MAGI1: variants seen among roughly 807,000 people sequenced by gnomAD.
MAGI1 encodes the protein membrane-associated guanylate kinase, WW and PDZ domain-containing protein 1.
MAGI1 carries 58 observed loss-of-function variants against 139.9 expected under a neutral mutation model. The observed-to-expected ratio is 0.41, with a 90% CI of 0.34 to 0.52. MAGI1 has a LOEUF of 0.52. Among genes scored for constraint, MAGI1 ranks in the 20% least tolerant of loss-of-function variants. The pLI is 0.12. For synonymous variants in MAGI1, 812 were observed against 737.9 expected, an observed-to-expected ratio of 1.10 and a Z score of -1.63; for missense variants, 1,874 against 1,901.6, an observed-to-expected ratio of 0.99 and a Z score of 0.27.
intron 5 of MAGI1, among the ~76,000 whole-genome samples, chr3:65,457,894 C>T (rs1440617947): frequency 6.6e-6 from 1 of 152,006 alleles, no homozygotes; most frequent in Non-Finnish European, 1.5e-5. Context: ...AAATCTTATT[C>T]ATTCTTTCTA....
chr3:65,963,676 T>C (rs960166731), intron 1 of MAGI1, among the ~76,000 whole-genome samples: 3 of 152,142 alleles, frequency 2.0e-5, no homozygotes, highest in African/African-American at 7.2e-5. Context: ...TTTGTAACTT[T>C]TCTATAATAA....
intron 1 of MAGI1, among the ~76,000 whole-genome samples, chr3:66,006,874 A>C (rs984489443): frequency 6.6e-6 from 1 of 151,932 alleles, no homozygotes; most frequent in African/African-American, 2.4e-5. Context: ...TCTCTCACCC[A>C]GTCTGGAATG....
intron 2 of MAGI1, chr3:65,498,958 C>A (rs1054225030): frequency 1.0e-6 from 1 of 970,738 alleles, no homozygotes; most frequent in Non-Finnish European, 1.2e-6. Context: ...ACACTACATC[C>A]AGTACCATGT....
At chr3:65,920,006 T>G (rs879159375) in intron 1 of MAGI1, among the ~76,000 whole-genome samples, 1 of 152,186 alleles carries the variant, frequency 6.6e-6, no homozygotes, top group Admixed American at 6.5e-5. Flanking sequence ...AGGTCCGATG[T>G]TTAAATTCAC....
At chr3:65,992,921 G>C (rs2066254784) in intron 1 of MAGI1, among the ~76,000 whole-genome samples, 2 of 152,040 alleles carry the variant, frequency 1.3e-5, no homozygotes. Flanking sequence ...AATCTCCTGG[G>C]TCAAAAGATC....
chr3:65,713,023 C>T (rs1430273330), intron 1 of MAGI1, among the ~76,000 whole-genome samples: 4 of 152,160 alleles, frequency 2.6e-5, no homozygotes, highest in Admixed American at 2.0e-4. Context: ...AGGAATCTTA[C>T]TGTTCAGTTT....
intron 2 of MAGI1, among the ~76,000 whole-genome samples, chr3:65,551,448 G>A (rs887660917): frequency 2.6e-5 from 4 of 152,012 alleles, no homozygotes; most frequent in Non-Finnish European, 5.9e-5. Flanking sequence ...TTACAGGCAC[G>A]CACCACCGCG....
chr3:65,706,407 C>G (rs2030296831), intron 1 of MAGI1, among the ~76,000 whole-genome samples: 1 of 152,230 alleles, frequency 6.6e-6, no homozygotes, highest in Non-Finnish European at 1.5e-5. Context: ...TAGCCTCTGC[C>G]TTCCCTGAAA....
chr3:65,466,759 T>A (rs1950199579), intron 5 of MAGI1, among the ~76,000 whole-genome samples: 1 of 152,134 alleles, frequency 6.6e-6, no homozygotes, highest in African/African-American at 2.4e-5. Flanking sequence ...TATGTGGAAA[T>A]AAGGGGAATT....
chr3:65,970,259 G>A (rs1053581927), intron 1 of MAGI1, among the ~76,000 whole-genome samples: 15 of 152,142 alleles, frequency 9.9e-5, no homozygotes, highest in African/African-American at 2.4e-5. Context: ...AATACTCTAT[G>A]AGTCCACTTA....
intron 2 of MAGI1, among the ~76,000 whole-genome samples, chr3:65,559,183 T>C (rs980596546): frequency 1.3e-5 from 2 of 152,240 alleles, no homozygotes; most frequent in African/African-American, 4.8e-5. Context: ...TTTCAGAAGC[T>C]GAGCATCTAA....
At chr3:65,405,472 T>C (rs915738040) in intron 12 of MAGI1, among the ~76,000 whole-genome samples, 8 of 152,228 alleles carry the variant, frequency 5.3e-5, no homozygotes, top group African/African-American at 1.7e-4. Context: ...GTATTTTCTT[T>C]GGCTCATGGG....
chr3:65,380,049 G>A (rs1235470929), intron 16 of MAGI1, among the ~76,000 whole-genome samples: 9 of 152,178 alleles, frequency 5.9e-5, no homozygotes, highest in Non-Finnish European at 1.2e-4. Context: ...TGATGGTAAC[G>A]TTGAGGCTAC....
At chr3:65,646,841 C>T (rs1245183193) in intron 1 of MAGI1, among the ~76,000 whole-genome samples, 1 of 151,566 alleles carries the variant, frequency 6.6e-6, no homozygotes, top group African/African-American at 2.4e-5. Context: ...AAATACACAT[C>T]GACATAAATA....
intron 3 of MAGI1, among the ~76,000 whole-genome samples, chr3:65,483,991 A>G (rs918291080): frequency 6.6e-6 from 1 of 152,270 alleles, no homozygotes; most frequent in Non-Finnish European, 1.5e-5. Flanking sequence ...ATACAAATTT[A>G]CTATTCATTC....
At position 66,020,600 on chromosome 3, in the gene MAGI1, T is replaced by A. The variant is rs183419435; in HGVS notation, c.313+17396A>T. Among the ~76,000 whole-genome samples the A allele has an allele frequency of 2.0e-5, 3 of 152,294 alleles. No individual in the cohort carries two copies. In the East Asian group the frequency reaches 5.8e-4, roughly 29 times the overall value. On this transcript the variant is annotated intron_variant, in intron 1 of 22. Transcript: ENST00000402939. ...AGAGAAATTGGACCCATACGCTGATTGAGCCATACCTGAAGCTCCATCCTT... is the reference window on the plus strand; with the variant it reads ...AGAGAAATTGGACCCATACGCTGATAGAGCCATACCTGAAGCTCCATCCTT...
chr3:65,356,503 C>T lies in MAGI1; in HGVS notation c.4264G>A (p.Asp1422Asn). 2 of 1,609,516 alleles carry T rather than the reference C, an allele frequency of 1.2e-6. No homozygotes were observed. Among genetic ancestry groups the T allele is most frequent in the Non-Finnish European group, 1.7e-6 (2 of 1,179,266 alleles). ...TCCCTTTCTCGGTGGCTGGCTCTGT[C>T]CTCTCTGTTCCTTTTGTCCAGGGAC... The part of the protein sequence containing the change: ...ERSLDKRNRE[D>N]RASHREREEA... The change falls in exon 23 of 23, where the codon GAC becomes AAC. Residue 1422 changes from aspartate to asparagine, a missense_variant. By Grantham distance (23) the Asp-to-Asn change is conservative (BLOSUM62 1). Coordinates refer to ENST00000402939, the MANE Select transcript of MAGI1 (RefSeq NM_001033057.2).
chr3:65,625,408 G>A (rs2107100952), intron 1 of MAGI1, among the ~76,000 whole-genome samples: 1 of 152,290 alleles, frequency 6.6e-6, no homozygotes, highest in South Asian at 2.1e-4. Flanking sequence ...GAAAAAGAAA[G>A]TAAATCTAGG....
rs1941405741 is a variant in MAGI1 at position 65,366,258 on chromosome 3, GTTAT to G, written c.3197-1316_3197-1313del. On this transcript the variant is annotated intron_variant, in intron 18 of 22. Coordinates refer to ENST00000402939, the MANE Select transcript of MAGI1 (RefSeq NM_001033057.2). The stretch of plus-strand genomic sequence containing the variant: ...TTTATTACTATGAGACCTTGTATAA[GTTAT>G]TTAAGCTCTCTGCAAAATGAGAAAG... 7.9e-5 allele frequency among the ~76,000 whole-genome samples: 12 copies of G among 152,270 alleles called. 1 individual carries two copies. In the South Asian group the frequency reaches 2.5e-3, roughly 32 times the overall value.
Sources: gnomAD v4.1 joint callset for allele counts (sites outside exome capture counted in the v4.1 genomes callset) on GRCh38, gnomAD v4.1.1 for gene constraint, MANE v1.5 for transcripts, NCBI Gene and HGNC (gene_info 2026-07-23, HGNC 2026-07-21) for gene names.